MALRD1: variants seen among roughly 807,000 people sequenced by gnomAD.
MALRD1 encodes MAM and LDL-receptor class A domain-containing protein 1.
In MALRD1, 247 loss-of-function variants were observed where a neutral mutation model predicts 242.1. The ratio of observed to expected loss-of-function variants is 1.02; its 90% confidence interval spans 0.92 to 1.13. The LOEUF (loss-of-function observed/expected upper bound fraction) is 1.13, where lower values mean the gene tolerates loss of function less well. Ranked by LOEUF, MALRD1 falls within the 50% of genes most tolerant of loss-of-function variation. The probability of loss-of-function intolerance (pLI) is 0.00; values close to 1 mark genes in which losing one functional copy is unlikely to be tolerated. For synonymous variants in MALRD1, 995 were observed against 866.6 expected (o/e 1.15, Z -2.60); for missense variants, 2,989 against 2,533.1 (o/e 1.18, Z -3.86).
chr10:19,217,846 C>T (rs1253431099), intron 18 of MALRD1, among the ~76,000 whole-genome samples: 7 of 152,132 alleles, frequency 4.6e-5, no homozygotes, highest in Non-Finnish European at 8.8e-5. Context: ...TTTATACTTA[C>T]TTGTTTACTT....
At position 19,331,405 on chromosome 10, in the gene MALRD1, G is replaced by A; in HGVS notation, c.3724G>A (p.Gly1242Arg). ...FRAKRGISYI[G>R]DVAVDDISFQ... The stretch of plus-strand genomic sequence containing the variant: ...AGCCAAACGTGGTATCAGTTACATA[G>A]GAGATGTAGCAGTGGATGATATTTC... The change falls in exon 24 of 40, where the codon GGA (glycine) becomes AGA (arginine). Residue 1242 changes from glycine to arginine, a missense_variant. Gly to Arg is a moderately radical substitution (Grantham distance 125). Coordinates refer to ENST00000454679, the MANE Select transcript of MALRD1 (RefSeq NM_001142308.3). The A allele has an allele frequency of 1.3e-6, 2 of 1,550,446 alleles. No individual in the cohort carries two copies. Among genetic ancestry groups the A allele is most frequent in the East Asian group, 4.9e-5 (2 of 40,878 alleles).
At chr10:19,453,177 T>C (rs1284035050) in intron 29 of MALRD1, among the ~76,000 whole-genome samples, 1 of 152,162 alleles carries the variant, frequency 6.6e-6, no homozygotes, top group Non-Finnish European at 1.5e-5. Flanking sequence ...CCACACAATT[T>C]ATCATGAAGT....
At chr10:19,270,989 T>C (rs1564518067) in intron 19 of MALRD1, among the ~76,000 whole-genome samples, 1 of 152,034 alleles carries the variant, frequency 6.6e-6, no homozygotes, top group Non-Finnish European at 1.5e-5. Context: ...AACCTAAATA[T>C]ACGAATGAAT....
At chr10:19,237,554 AATTACACAT>A (rs1838382573) in intron 18 of MALRD1, among the ~76,000 whole-genome samples, 1 of 125,780 alleles carries the variant, frequency 8.0e-6, no homozygotes, top group Non-Finnish European at 1.6e-5. Context: ...GTATAATTAT[AATTACACAT>A]AAAATTATAT....
At chr10:19,360,484 G>A (rs1339904774) in intron 26 of MALRD1, among the ~76,000 whole-genome samples, 5 of 151,942 alleles carry the variant, frequency 3.3e-5, no homozygotes, top group African/African-American at 1.2e-4. Context: ...CATTATGGCA[G>A]CTAGATTGTC....
chr10:19,344,766 G>A (rs1248991095), intron 24 of MALRD1, among the ~76,000 whole-genome samples: 2 of 151,608 alleles, frequency 1.3e-5, no homozygotes, highest in Non-Finnish European at 2.9e-5. Flanking sequence ...TTCCAATCAT[G>A]AGCATAGTAG....
chr10:19,088,434 T>G (rs567720751), intron 4 of MALRD1, among the ~76,000 whole-genome samples: 3 of 151,984 alleles, frequency 2.0e-5, no homozygotes, highest in African/African-American at 7.2e-5. Context: ...TAAGGCATAC[T>G]AATATATCAG....
intron 32 of MALRD1, among the ~76,000 whole-genome samples, chr10:19,561,990 CT>C (rs1189064987): frequency 6.6e-6 from 1 of 152,114 alleles, no homozygotes; most frequent in Non-Finnish European, 1.5e-5. Context: ...GAATGTTCCT[CT>C]GATCTTCATT....
intron 26 of MALRD1, among the ~76,000 whole-genome samples, chr10:19,382,474 T>C (rs1173829447): frequency 6.6e-6 from 1 of 152,202 alleles, no homozygotes; most frequent in Admixed American, 6.6e-5. Context: ...GCTTATCTGC[T>C]ATTATGTAAT....
At chr10:19,531,103 G>A in intron 31 of MALRD1, 91 bp from the exon 32 acceptor site, 1 of 1,079,354 alleles carries the variant, frequency 9.3e-7, no homozygotes, top group South Asian at 1.8e-5. Flanking sequence ...TATGTATAAG[G>A]ATAAAAAGAT....
chr10:19,363,071 A>C (rs1441824594), intron 26 of MALRD1, among the ~76,000 whole-genome samples: 4 of 152,148 alleles, frequency 2.6e-5, no homozygotes, highest in Non-Finnish European at 4.4e-5. Flanking sequence ...TTAAATGTCC[A>C]TCGTCTAGGC....
intron 36 of MALRD1, among the ~76,000 whole-genome samples, chr10:19,649,599 G>A (rs1360180399): frequency 6.6e-6 from 1 of 150,796 alleles, no homozygotes; most frequent in Non-Finnish European, 1.5e-5. Context: ...TTGTAACTTT[G>A]TTTAAGTTCC....
chr10:19,608,029 G>A (rs1290317941), intron 35 of MALRD1, 127 bp downstream of exon 35: 3 of 1,268,676 alleles, frequency 2.4e-6, no homozygotes, highest in African/African-American at 3.0e-5. Context: ...TCTATTCTTG[G>A]TTTGGGGGCA....
chr10:19,566,805 T>C (rs1280377856), intron 32 of MALRD1, among the ~76,000 whole-genome samples: 2 of 151,942 alleles, frequency 1.3e-5, no homozygotes, highest in African/African-American at 4.8e-5. Context: ...GAAATATAAC[T>C]CTTTAATCTT....
chr10:19,312,400 A>ATATATATATATGTG (rs1491220851), intron 21 of MALRD1, among the ~76,000 whole-genome samples: 22 of 143,596 alleles, frequency 1.5e-4, no homozygotes, highest in Non-Finnish European at 2.3e-4. Context: ...ATATATATAT[A>ATATATATATATGTG]TGTGTATATG....
At chr10:19,305,429 T>A (rs1304814479) in intron 21 of MALRD1, among the ~76,000 whole-genome samples, 1 of 151,558 alleles carries the variant, frequency 6.6e-6, no homozygotes, top group African/African-American at 2.4e-5. Context: ...TTGATGTAAT[T>A]TGAGACCTAA....
At chr10:19,317,652 A>G (rs989163664) in intron 21 of MALRD1, among the ~76,000 whole-genome samples, 2 of 151,974 alleles carry the variant, frequency 1.3e-5, no homozygotes, top group African/African-American at 2.4e-5. Flanking sequence ...GGCCTTACTG[A>G]AAAATATCTT....
chr10:19,184,959 G>A (rs1835672990), intron 14 of MALRD1, among the ~76,000 whole-genome samples: 1 of 152,170 alleles, frequency 6.6e-6, no homozygotes, highest in Non-Finnish European at 1.5e-5. Flanking sequence ...CCCTGTGTTT[G>A]AAGTCCATTT....
chr10:19,699,329 T>A (rs9664359), intron 38 of MALRD1, among the ~76,000 whole-genome samples: 68 of 130,664 alleles, frequency 5.2e-4, no homozygotes, highest in African/African-American at 2.2e-3. Context: ...GAGGGAAAGG[T>A]AGGAGGGAGG....
Sources: gnomAD v4.1 joint callset for allele counts (sites outside exome capture counted in the v4.1 genomes callset) on GRCh38, gnomAD v4.1.1 for gene constraint, MANE v1.5 for transcripts, NCBI Gene and HGNC (gene_info 2026-07-23, HGNC 2026-07-21) for gene names.